XYLT1: variants seen among roughly 807,000 people sequenced by gnomAD.
XYLT1 encodes the protein xylosyltransferase 1, also known as beta-D-xylosyltransferase 1.
Under a neutral mutation model 91.3 loss-of-function variants are expected in XYLT1, and 36 were observed. The observed-to-expected ratio is 0.39, with a 90% CI of 0.30 to 0.52. The LOEUF is 0.52. XYLT1 is among the 20% of genes least tolerant of loss of function. The probability of loss-of-function intolerance (pLI) is 0.68; values close to 1 mark genes in which losing one functional copy is unlikely to be tolerated. For missense variants in XYLT1, 1,242 were observed against 1,284.5 expected (o/e 0.97, Z 0.51); for synonymous variants, 588 against 532.0 (o/e 1.11, Z -1.45).
At chr16:17,292,835 C>T (rs2034251590) in intron 2 of XYLT1, among the ~76,000 whole-genome samples, 2 of 152,200 alleles carry the variant, frequency 1.3e-5, no homozygotes, top group African/African-American at 4.8e-5. Flanking sequence ...CCTCACATCT[C>T]TCCACACTTT....
At chr16:17,269,042 A>G (rs1306836166) in intron 2 of XYLT1, among the ~76,000 whole-genome samples, 1 of 152,212 alleles carries the variant, frequency 6.6e-6, no homozygotes, top group Admixed American at 6.5e-5. Flanking sequence ...GGGAGGAAGA[A>G]TGACCTGCTG....
chr16:17,387,703 A>G (rs1272533408), intron 1 of XYLT1, among the ~76,000 whole-genome samples: 2 of 151,944 alleles, frequency 1.3e-5, no homozygotes, highest in South Asian at 4.2e-4. Flanking sequence ...AATACCCTAT[A>G]TGTGAGTCCT....
intron 4 of XYLT1, among the ~76,000 whole-genome samples, chr16:17,199,230 C>A (rs1173712590): frequency 6.6e-6 from 1 of 152,164 alleles, no homozygotes; most frequent in East Asian, 1.9e-4. Context: ...ACAAGACTTC[C>A]CCCTTTGCCT....
chr16:17,175,938 G>GA, intron 5 of XYLT1, among the ~76,000 whole-genome samples: 1 of 152,058 alleles, frequency 6.6e-6, no homozygotes, highest in South Asian at 2.1e-4. Context: ...GGTGAAATCT[G>GA]AAAACGTCTC....
At chr16:17,261,285 C>G (rs547051065) in intron 2 of XYLT1, among the ~76,000 whole-genome samples, 7 of 151,682 alleles carry the variant, frequency 4.6e-5, no homozygotes, top group African/African-American at 1.7e-4. Context: ...AGCCTCTGCT[C>G]CATTGCTCCT....
At chr16:17,323,343 T>C (rs1596481863) in intron 2 of XYLT1, among the ~76,000 whole-genome samples, 1 of 152,200 alleles carries the variant, frequency 6.6e-6, no homozygotes, top group Non-Finnish European at 1.5e-5. Context: ...TAAAGAACAA[T>C]GCGGTTTTTG....
In XYLT1 at chr16:17,279,774, A is replaced by G. The variant is rs1421008721; in HGVS notation, c.403-20276T>C. Among the ~76,000 whole-genome samples, 3 of 152,166 alleles carry G rather than the reference A, an allele frequency of 2.0e-5. No individual in the cohort carries two copies. The East Asian group carries it at 5.8e-4, about 29-fold the overall frequency. On this transcript the variant is annotated intron_variant, in intron 2 of 11. Coordinates refer to ENST00000261381, the MANE Select transcript of XYLT1 (RefSeq NM_022166.4). ...GCCTCCTCCTCTGCATATTAATTAC[A>G]GCCAAGGCAAAATGTGGCCACAGCA...
chr16:17,206,423 C>A lies in XYLT1; in HGVS notation c.914-5769G>T, dbSNP rs150623390. ...TAGAAAAGGCGGTGCTGTGTGGCGACAAGCATACTGGATAAAGAGCAACGA... is the reference window on the plus strand; with the variant it reads ...TAGAAAAGGCGGTGCTGTGTGGCGAAAAGCATACTGGATAAAGAGCAACGA... On this transcript the variant is annotated intron_variant, in intron 3 of 11. Coordinates refer to ENST00000261381, the MANE Select transcript of XYLT1 (RefSeq NM_022166.4). Among the ~76,000 whole-genome samples, 508 of 152,132 alleles carry A rather than the reference C, an allele frequency of 3.3e-3. 4 individuals carry two copies. The highest frequency in any genetic ancestry group is 0.012 in the African/African-American group (494 of 41,494).
intron 2 of XYLT1, among the ~76,000 whole-genome samples, chr16:17,305,793 G>A (rs968675154): frequency 3.3e-5 from 5 of 152,082 alleles, no homozygotes; most frequent in Admixed American, 6.5e-5. Context: ...TCTGACTTCC[G>A]GAGAACTTTA....
At chr16:17,167,823 A>G (rs1217498385) in intron 5 of XYLT1, among the ~76,000 whole-genome samples, 1 of 151,508 alleles carries the variant, frequency 6.6e-6, no homozygotes, top group African/African-American at 2.4e-5. Flanking sequence ...TCATGCATGG[A>G]TTCTAACTCA....
intron 1 of XYLT1, among the ~76,000 whole-genome samples, chr16:17,426,124 G>A (rs2036315217): frequency 6.6e-6 from 1 of 152,216 alleles, no homozygotes; most frequent in Non-Finnish European, 1.5e-5. Context: ...GCTAGGGACT[G>A]AGGATACCAC....
intron 3 of XYLT1, among the ~76,000 whole-genome samples, chr16:17,208,122 G>A (rs980762421): frequency 1.3e-5 from 2 of 151,982 alleles, no homozygotes; most frequent in Non-Finnish European, 2.9e-5. Flanking sequence ...AAGTAGCTGG[G>A]ACTATAGGTG....
chr16:17,417,287 T>C (rs2036190849), intron 1 of XYLT1, among the ~76,000 whole-genome samples: 1 of 152,170 alleles, frequency 6.6e-6, no homozygotes. Context: ...AAAAATGAAG[T>C]TTAGAAGCTT....
intron 7 of XYLT1, 51 bp from the exon 8 acceptor site, chr16:17,138,582 A>G: frequency 1.3e-6 from 2 of 1,587,264 alleles, no homozygotes; most frequent in Non-Finnish European, 8.6e-7. Context: ...CCTCCCACAG[A>G]TGAACTGGGG....
intron 3 of XYLT1, among the ~76,000 whole-genome samples, chr16:17,245,364 C>T (rs2033419943): frequency 6.6e-6 from 1 of 152,198 alleles, no homozygotes; most frequent in East Asian, 1.9e-4. Flanking sequence ...AAAGGTTTCT[C>T]ACTCTATCCA....
chr16:17,396,395 G>T (rs1011545642), intron 1 of XYLT1, among the ~76,000 whole-genome samples: 1 of 152,216 alleles, frequency 6.6e-6, no homozygotes, highest in African/African-American at 2.4e-5. Context: ...CTTCTCATCT[G>T]TGAAATGGGG....
chr16:17,355,418 G>A (rs1396235657), intron 2 of XYLT1: 1 of 152,094 alleles, frequency 6.6e-6, no homozygotes, highest in African/African-American at 2.4e-5. Flanking sequence ...GTATCCTTCT[G>A]GGGAAGGATA....
chr16:17,344,373 G>T (rs544414497), intron 2 of XYLT1, among the ~76,000 whole-genome samples: 1 of 150,880 alleles, frequency 6.6e-6, no homozygotes, highest in Admixed American at 6.6e-5. Flanking sequence ...GGCGCCTGTA[G>T]TCCCAGCTAC....
At chr16:17,247,181 A>G (rs1327355888) in intron 3 of XYLT1, among the ~76,000 whole-genome samples, 3 of 148,840 alleles carry the variant, frequency 2.0e-5, no homozygotes, top group Non-Finnish European at 4.5e-5. Context: ...TCACTCATTC[A>G]TTCATTCAAG....
Sources: gnomAD v4.1 joint callset for allele counts (sites outside exome capture counted in the v4.1 genomes callset) on GRCh38, gnomAD v4.1.1 for gene constraint, MANE v1.5 for transcripts, NCBI Gene and HGNC (gene_info 2026-07-23, HGNC 2026-07-21) for gene names.